MBNL1: variants seen among roughly 807,000 people sequenced by gnomAD.
The protein encoded by MBNL1 is muscleblind-like protein 1.
In MBNL1, 8 loss-of-function variants were observed where a neutral mutation model predicts 42.2. The ratio of observed to expected loss-of-function variants is 0.19; its 90% CI spans 0.11 to 0.34. MBNL1 has a LOEUF of 0.34. MBNL1 is among the 10% of genes least tolerant of loss of function. The pLI, the probability that MBNL1 is intolerant of heterozygous loss-of-function variation, is 1.00. For missense variants in MBNL1, 309 were observed against 495.3 expected (o/e 0.62, Z 3.57); for synonymous variants, 169 against 173.9 (o/e 0.97, Z 0.22).
At chr3:152,283,023 A>G (rs978816012) in intron 1 of MBNL1, among the ~76,000 whole-genome samples, 1 of 152,194 alleles carries the variant, frequency 6.6e-6, no homozygotes, top group Admixed American at 6.5e-5. Context: ...GAAGCCTTGT[A>G]AGTTTCAGAA....
chr3:152,388,728 A>G (rs2153455966), intron 2 of MBNL1, among the ~76,000 whole-genome samples: 1 of 152,368 alleles, frequency 6.6e-6, no homozygotes, highest in South Asian at 2.1e-4. Flanking sequence ...GTTGAAAGCT[A>G]GAGCTGGAAA....
intron 2 of MBNL1, among the ~76,000 whole-genome samples, chr3:152,244,926 T>C (rs2032546008): frequency 1.3e-5 from 2 of 152,150 alleles, no homozygotes; most frequent in African/African-American, 4.8e-5. Context: ...ATTTAAAATA[T>C]GACATTTCAG....
At chr3:152,402,852 A>G (rs2098284255) in intron 2 of MBNL1, among the ~76,000 whole-genome samples, 1 of 152,184 alleles carries the variant, frequency 6.6e-6, no homozygotes, top group African/African-American at 2.4e-5. Flanking sequence ...TCACTTGGTA[A>G]ACACTTATGG....
chr3:152,447,507 G>T, intron 5 of MBNL1, 113 bp from the exon 6 acceptor site: 14 of 501,956 alleles, frequency 2.8e-5, no homozygotes, highest in Admixed American at 6.5e-5. Context: ...GTAGTTAAGT[G>T]CTCTGCTGCT....
At chr3:152,437,993 C>T (rs1343811273) in intron 4 of MBNL1, among the ~76,000 whole-genome samples, 2 of 152,056 alleles carry the variant, frequency 1.3e-5, no homozygotes, top group East Asian at 3.9e-4. Flanking sequence ...AGGCTGGTCT[C>T]AGCAATTTCT....
intron 3 of MBNL1, among the ~76,000 whole-genome samples, chr3:152,424,092 G>C (rs1032537512): frequency 3.3e-5 from 5 of 151,980 alleles, no homozygotes; most frequent in African/African-American, 1.2e-4. Context: ...AATCAGGCAA[G>C]AGAAATAAAT....
chr3:152,459,869 T>C (rs1255384723), intron 9 of MBNL1, among the ~76,000 whole-genome samples: 7 of 41,132 alleles, frequency 1.7e-4, no homozygotes, highest in Admixed American at 9.7e-4. Context: ...GATTATCACT[T>C]TTTTTTTTTT....
At chr3:152,270,959 A>G (rs548983075) in intron 1 of MBNL1, among the ~76,000 whole-genome samples, 2 of 152,312 alleles carry the variant, frequency 1.3e-5, no homozygotes, top group Admixed American at 6.5e-5. Context: ...TTCATCTATA[A>G]TTATAGTGTC....
At chr3:152,282,367 T>C (rs1384219082) in intron 1 of MBNL1, among the ~76,000 whole-genome samples, 1 of 152,136 alleles carries the variant, frequency 6.6e-6, no homozygotes, top group East Asian at 1.9e-4. Context: ...TGTATTCAGA[T>C]TAAAGATTCC....
intron 1 of MBNL1, among the ~76,000 whole-genome samples, chr3:152,285,196 A>G (rs570905458): frequency 6.6e-6 from 1 of 152,284 alleles, no homozygotes; most frequent in Non-Finnish European, 1.5e-5. Context: ...GGTACCTCCA[A>G]TAAATCCCAC....
chr3:152,446,739 C>A, intron 5 of MBNL1: 1 of 1,613,816 alleles, frequency 6.2e-7, no homozygotes, highest in Non-Finnish European at 8.5e-7. Flanking sequence ...AGCGACCCCT[C>A]GAGGCAACCT....
chr3:152,394,362 A>G (rs1007049967), intron 2 of MBNL1, among the ~76,000 whole-genome samples: 8 of 152,236 alleles, frequency 5.3e-5, no homozygotes, highest in Admixed American at 2.0e-4. Context: ...ACCACTAGCT[A>G]TTTGAATTTC....
In MBNL1 at chr3:152,463,888, T is replaced by C. The variant is rs1255378048; in HGVS notation, c.*1522T>C. 2.0e-5 allele frequency: 3 copies of C among 152,514 alleles called. No individual in the cohort carries two copies. Among genetic ancestry groups the C allele is most frequent in the Admixed American group, 2.0e-4 (3 of 15,276 alleles). 9.4% of individuals were successfully genotyped at this position (152,514 alleles called of 1,614,324 possible). The stretch of plus-strand genomic sequence containing the variant: ...AAGTGAAAGTTCAGTTATAGAACTT[T>C]CCATACTTCCAAGTTTACTGCAAGT... On this transcript the variant is annotated 3_prime_UTR_variant, in exon 10 of 10. Transcript: ENST00000324210.
intron 2 of MBNL1, among the ~76,000 whole-genome samples, chr3:152,380,104 T>A (rs186666168): frequency 1.3e-5 from 2 of 152,240 alleles, no homozygotes; most frequent in East Asian, 3.9e-4. Flanking sequence ...AACCTTGTGA[T>A]GAAGAAATTT....
chr3:152,276,487 CAG>C (rs1289994931), intron 1 of MBNL1, among the ~76,000 whole-genome samples: 1 of 152,176 alleles, frequency 6.6e-6, no homozygotes, highest in African/African-American at 2.4e-5. Context: ...AGAATAAAAA[CAG>C]ATTTTAAAAA....
upstream of MBNL1, chr3:152,268,259 ATG>A (rs2037814640): frequency 6.4e-6 from 1 of 156,718 alleles, no homozygotes; most frequent in Non-Finnish European, 1.4e-5. Context: ...GAAAGCTGAC[ATG>A]TGTTTGTGCC....
intron 2 of MBNL1, among the ~76,000 whole-genome samples, chr3:152,343,972 T>C (rs1304704357): frequency 6.6e-6 from 1 of 152,150 alleles, no homozygotes; most frequent in Non-Finnish European, 1.5e-5. Flanking sequence ...TTTATGTTTA[T>C]AATATTATAA....
intron 2 of MBNL1, among the ~76,000 whole-genome samples, chr3:152,353,242 C>T (rs2153013903): frequency 1.3e-5 from 2 of 152,360 alleles, no homozygotes; most frequent in Middle Eastern, 3.4e-3. Flanking sequence ...CAAGCTTACT[C>T]TGCCTTCCTC....
chr3:152,411,570 C>T (rs1381534748), intron 2 of MBNL1, among the ~76,000 whole-genome samples: 2 of 152,052 alleles, frequency 1.3e-5, no homozygotes, highest in South Asian at 2.1e-4. Context: ...ATTTATATTT[C>T]GCATTAACCT....
Sources: gnomAD v4.1 joint callset for allele counts (sites outside exome capture counted in the v4.1 genomes callset) on GRCh38, gnomAD v4.1.1 for gene constraint, MANE v1.5 for transcripts, NCBI Gene and HGNC (gene_info 2026-07-23, HGNC 2026-07-21) for gene names.